TMEM135: variants seen among roughly 807,000 people sequenced by gnomAD.
The protein encoded by TMEM135 is transmembrane protein 135, also known as peroxisomal membrane protein 52.
In TMEM135, 30 loss-of-function variants were observed where a neutral mutation model predicts 60.3. That is an observed-to-expected ratio of 0.50 (90% CI 0.37 to 0.68). TMEM135 has a LOEUF of 0.68. TMEM135 is among the 30% of genes least tolerant of loss of function. TMEM135 has a pLI of 0.00. For missense variants in TMEM135, 468 were observed against 548.8 expected (o/e 0.85, Z 1.47); for synonymous variants, 190 against 186.7 (o/e 1.02, Z -0.14).
intron 6 of TMEM135, among the ~76,000 whole-genome samples, chr11:87,239,287 C>T (rs1941077672): frequency 6.6e-6 from 1 of 151,954 alleles, no homozygotes; most frequent in Non-Finnish European, 1.5e-5. Context: ...GTACTATCAC[C>T]AAATTCGCTG....
intron 6 of TMEM135, among the ~76,000 whole-genome samples, chr11:87,294,048 G>A (rs775822495): frequency 3.9e-5 from 6 of 151,922 alleles, no homozygotes; most frequent in Non-Finnish European, 1.5e-5. Context: ...TTTAATAATC[G>A]CCATTCTTAC....
At chr11:87,189,627 A>T (rs530516215) in intron 5 of TMEM135, among the ~76,000 whole-genome samples, 16 of 152,212 alleles carry the variant, frequency 1.1e-4, no homozygotes, top group South Asian at 1.0e-3. Flanking sequence ...AAATAGATTT[A>T]AAAAAATTAG....
intron 4 of TMEM135, among the ~76,000 whole-genome samples, chr11:87,134,166 G>GT (rs1555108505): frequency 7.2e-5 from 11 of 152,174 alleles, no homozygotes; most frequent in African/African-American, 2.2e-4. Context: ...GGCAAGGTTG[G>GT]TTTTTTCTGA....
In TMEM135 at chr11:87,328,281, CGTCTTTGAAG is replaced by C; in HGVS notation, c.*6951_*6960del. The C allele has an allele frequency of 2.2e-6, 1 of 453,978 alleles. No homozygotes were observed. Among genetic ancestry groups the C allele is most frequent in the Non-Finnish European group, 4.4e-6 (1 of 226,768 alleles). 28.1% of individuals were successfully genotyped at this position (453,978 alleles called of 1,614,324 possible). A position where few individuals can be genotyped will look rare whatever the true frequency, so the allele number is the denominator to read the frequency against. On this transcript the variant is annotated 3_prime_UTR_variant, in exon 15 of 15. Coordinates refer to ENST00000305494, the MANE Select transcript of TMEM135 (RefSeq NM_022918.4). ...GTGTATGCTAAAATACTGTCAATCTCGTCTTTGAAGGTTTTGCTCATCTTTAAAAAATCTT... is the reference window on the plus strand; with the variant it reads ...GTGTATGCTAAAATACTGTCAATCTCGTTTTGCTCATCTTTAAAAAATCTT...
chr11:87,246,937 A>C (rs1435178981), intron 6 of TMEM135, among the ~76,000 whole-genome samples: 1 of 138,628 alleles, frequency 7.2e-6, no homozygotes, highest in African/African-American at 2.7e-5. Flanking sequence ...TCTGCTTTTT[A>C]GAGTTTCCAG....
At chr11:87,227,653 A>C (rs1283282291) in intron 5 of TMEM135, among the ~76,000 whole-genome samples, 1 of 152,182 alleles carries the variant, frequency 6.6e-6, no homozygotes, top group Non-Finnish European at 1.5e-5. Context: ...ACTTTAGGAT[A>C]GTGTTGCTTA....
At chr11:87,159,560 ACAAAT>A (rs1035093217) in intron 5 of TMEM135, among the ~76,000 whole-genome samples, 2 of 150,920 alleles carry the variant, frequency 1.3e-5, no homozygotes, top group Non-Finnish European at 2.9e-5. Flanking sequence ...AGGAGACAAA[ACAAAT>A]CAAAGATACT....
At chr11:87,316,101 C>A (rs1942723717) in intron 12 of TMEM135, among the ~76,000 whole-genome samples, 1 of 151,886 alleles carries the variant, frequency 6.6e-6, no homozygotes, top group Non-Finnish European at 1.5e-5. Context: ...TTATTTGCTC[C>A]CAGGCTAGTT....
intron 4 of TMEM135, among the ~76,000 whole-genome samples, chr11:87,152,384 C>A (rs12364798): frequency 6.6e-6 from 1 of 151,994 alleles, no homozygotes; most frequent in Admixed American, 6.6e-5. Flanking sequence ...TTTTGAAATT[C>A]TTTACTCTTG....
chr11:87,313,300 T>G, intron 10 of TMEM135, 125 bp from the exon 11 acceptor site: 1 of 734,430 alleles, frequency 1.4e-6, no homozygotes, highest in Non-Finnish European at 2.4e-6. Flanking sequence ...CAGTTTGATT[T>G]AGATGAGATC....
chr11:87,286,263 T>G (rs7104625), intron 6 of TMEM135, among the ~76,000 whole-genome samples: 53,901 of 148,978 alleles, frequency 0.36, 10,480 homozygotes, highest in Non-Finnish European at 0.43. Flanking sequence ...ACAGAGTGCT[T>G]ATTGGTGTAT....
In TMEM135 at chr11:87,141,818, C is replaced by A. The variant is rs573051801; in HGVS notation, c.397-15523C>A. The stretch of plus-strand genomic sequence containing the variant: ...AAATTTAATATTTTAAAAAAGTAAA[C>A]ATTTAAAATTAAAAAAATTTAAAAT... On this transcript the variant is annotated intron_variant, in intron 4 of 14. Coordinates refer to ENST00000305494, the MANE Select transcript of TMEM135 (RefSeq NM_022918.4). Among the ~76,000 whole-genome samples, 40 of 151,966 alleles carry A rather than the reference C, an allele frequency of 2.6e-4. No individual in the cohort carries two copies. In the South Asian group the frequency reaches 6.4e-3, roughly 24 times the overall value.
chr11:87,275,352 C>T (rs1168780469), intron 6 of TMEM135, among the ~76,000 whole-genome samples: 2 of 151,916 alleles, frequency 1.3e-5, no homozygotes, highest in Non-Finnish European at 2.9e-5. Context: ...GTGCTAGCAA[C>T]CATTACAGAC....
intron 4 of TMEM135, among the ~76,000 whole-genome samples, chr11:87,143,366 CTT>C (rs1293942183): frequency 1.0e-4 from 6 of 57,366 alleles, no homozygotes; most frequent in Non-Finnish European, 6.5e-5. Flanking sequence ...TTCTTTCTTT[CTT>C]TTTTTTTTTT....
At chr11:87,221,587 C>T (rs1940617398) in intron 5 of TMEM135, among the ~76,000 whole-genome samples, 1 of 152,134 alleles carries the variant, frequency 6.6e-6, no homozygotes, top group South Asian at 2.1e-4. Context: ...GCTCTCTGTA[C>T]ACAAATTTTG....
At chr11:87,265,018 T>G (rs1941722649) in intron 6 of TMEM135, among the ~76,000 whole-genome samples, 2 of 151,884 alleles carry the variant, frequency 1.3e-5, no homozygotes, top group African/African-American at 4.8e-5. Context: ...TAAGCTACAA[T>G]TAAAACATGA....
Position 87,328,220 on chromosome 11 carries a change from C to G in TMEM135, c.*6887C>G. On this transcript the variant is annotated 3_prime_UTR_variant, in exon 15 of 15. Coordinates refer to ENST00000305494, the MANE Select transcript of TMEM135 (RefSeq NM_022918.4). ...TTCATTTCCCATTATATCCTTCTCT[C>G]TCTTGATTTAGAATTCTCTTTTTCT... 2 of 454,060 alleles carry G rather than the reference C, an allele frequency of 4.4e-6. No individual in the cohort carries two copies. The highest frequency in any genetic ancestry group is 8.8e-6 in the Non-Finnish European group (2 of 226,788). The allele number at this position is 454,060 out of a possible 1,614,324, so 28.1% of individuals were successfully genotyped here.
intron 5 of TMEM135, among the ~76,000 whole-genome samples, chr11:87,223,100 A>G (rs969029564): frequency 4.0e-5 from 6 of 151,714 alleles, no homozygotes; most frequent in Admixed American, 1.3e-4. Flanking sequence ...TTGTGTGTAG[A>G]TTAATTTGGA....
At chr11:87,320,676 G>C (rs768824833) in intron 14 of TMEM135, among the ~76,000 whole-genome samples, 13 of 152,138 alleles carry the variant, frequency 8.5e-5, no homozygotes, top group Non-Finnish European at 1.9e-4. Context: ...ACTGTGTTGT[G>C]TCTATTAAAC....
Sources: gnomAD v4.1 joint callset for allele counts (sites outside exome capture counted in the v4.1 genomes callset) on GRCh38, gnomAD v4.1.1 for gene constraint, MANE v1.5 for transcripts, NCBI Gene and HGNC (gene_info 2026-07-23, HGNC 2026-07-21) for gene names.